Variants in TRAPPC9 observed in about 807,000 individuals in gnomAD.
TRAPPC9 encodes the protein IKK2 binding protein.
A neutral mutation model predicts 124.0 loss-of-function variants in TRAPPC9; 83 were observed. The observed-to-expected ratio is 0.67, with a 90% CI of 0.56 to 0.80. The LOEUF is 0.80. TRAPPC9 is among the 30% of genes least tolerant of loss of function. The probability of loss-of-function intolerance (pLI) is 0.00; values close to 1 mark genes in which losing one functional copy is unlikely to be tolerated. For missense variants in TRAPPC9, 1,302 were observed against 1,508.3 expected, an observed-to-expected ratio of 0.86 and a Z score of 2.27; for synonymous variants, 638 against 617.5, an observed-to-expected ratio of 1.03 and a Z score of -0.49.
At chr8:140,450,216 C>T (rs2071406964) in intron 2 of TRAPPC9, among the ~76,000 whole-genome samples, 1 of 152,084 alleles carries the variant, frequency 6.6e-6, no homozygotes, top group South Asian at 2.1e-4. Flanking sequence ...CAAAACTTAG[C>T]CAGGCATGGT....
chr8:139,983,764 C>T (rs1426363726), intron 19 of TRAPPC9, among the ~76,000 whole-genome samples: 6 of 152,108 alleles, frequency 3.9e-5, no homozygotes, highest in East Asian at 1.9e-4. Context: ...ATTTTGCCCC[C>T]GCCCCGGCCT....
At chr8:140,423,663 T>TATATACAC (rs55792609) in intron 5 of TRAPPC9, among the ~76,000 whole-genome samples, 11,104 of 144,812 alleles carry the variant, frequency 0.077, 1,139 homozygotes, top group African/African-American at 0.26. Flanking sequence ...CATACACACA[T>TATATACAC]ATATACACAT....
rs1206874752 is a variant in TRAPPC9, at chr8:140,045,642, A to AC, written c.2557-21564_2557-21563insG. Among the ~76,000 whole-genome samples the AC allele has an allele frequency of 3.5e-4, 49 of 138,908 alleles. 1 individual carries two copies. In the East Asian group the frequency reaches 7.7e-3, roughly 22 times the overall value. The allele number at this position is 138,908 out of a possible 152,430, so 91.1% of individuals were successfully genotyped here. The stretch of plus-strand genomic sequence containing the variant: ...ACTCCATCTCGGCAGAAAAAAAAAA[A>AC]AAAAAAAAAAAAAAAAACCAAGTCA... On this transcript the variant is annotated intron_variant, in intron 17 of 22. Coordinates refer to ENST00000438773, the MANE Select transcript of TRAPPC9 (RefSeq NM_001160372.4).
In TRAPPC9 at chr8:140,252,752, T is replaced by C; in HGVS notation, c.2431+25A>G. 1 of 1,612,154 alleles carries C rather than the reference T, an allele frequency of 6.2e-7. No individual in the cohort carries two copies. Among genetic ancestry groups the C allele is most frequent in the Middle Eastern group, 1.6e-4 (1 of 6,062 alleles). Reference sequence around the variant, plus strand: ...CACAGTATCTAGGACCCTGACGTGCTAATTAAAATTAGGAAAGCGCTTACC... The same window carrying C: ...CACAGTATCTAGGACCCTGACGTGCCAATTAAAATTAGGAAAGCGCTTACC... On this transcript the variant is annotated intron_variant, in intron 16 of 22. Transcript: ENST00000438773. The surrounding 1 kb of genome is among the most constrained non-coding windows in gnomAD (Gnocchi z 4.2).
chr8:139,757,490 A>T (rs1448217560), intron 21 of TRAPPC9, among the ~76,000 whole-genome samples: 2 of 150,548 alleles, frequency 1.3e-5, no homozygotes, highest in South Asian at 2.1e-4. Context: ...GGGTTTGGGG[A>T]TGAGGACAGC....
chr8:139,827,172 G>C (rs1365327412), intron 21 of TRAPPC9, among the ~76,000 whole-genome samples: 3 of 152,208 alleles, frequency 2.0e-5, no homozygotes, highest in African/African-American at 7.2e-5. Context: ...GCTAGAGCCC[G>C]GGAAGCGCCT....
In TRAPPC9 at chr8:140,319,341, A is replaced by G. The variant is rs146564278; in HGVS notation, c.1496-7967T>C. ...CGGGCACCCGCCACCAGGCCTGGCT[A>G]ATTTTTTTTGTATTTTTAGTAGAGA... On this transcript the variant is annotated intron_variant, in intron 9 of 22. Transcript: ENST00000438773. 7.5e-3 allele frequency among the ~76,000 whole-genome samples: 1,136 copies of G among 151,264 alleles called. 60 individuals carry two copies. The East Asian group carries it at 0.14, about 19-fold the overall frequency.
At chr8:140,167,139 A>G (rs1168798192) in intron 17 of TRAPPC9, among the ~76,000 whole-genome samples, 1 of 111,516 alleles carries the variant, frequency 9.0e-6, no homozygotes, top group Non-Finnish European at 1.9e-5. Context: ...GACAGTTCAT[A>G]GCTTTCAAAA....
At chr8:139,855,540 C>T (rs558594021) in intron 21 of TRAPPC9, among the ~76,000 whole-genome samples, 50 of 152,342 alleles carry the variant, frequency 3.3e-4, no homozygotes, top group African/African-American at 1.1e-3. Context: ...GCTTACACGA[C>T]GCGTCATCTC....
At chr8:140,020,935 C>T (rs1376432189) in intron 18 of TRAPPC9, among the ~76,000 whole-genome samples, 3 of 152,190 alleles carry the variant, frequency 2.0e-5, no homozygotes, top group Admixed American at 2.0e-4. Context: ...TTAAGATACC[C>T]AAACCAACTA....
intron 17 of TRAPPC9, among the ~76,000 whole-genome samples, chr8:140,068,478 G>C (rs2129750615): frequency 6.6e-6 from 1 of 152,208 alleles, no homozygotes; most frequent in African/African-American, 2.4e-5. Context: ...ACATTTGGAG[G>C]GGACCTTCAC....
intron 17 of TRAPPC9, among the ~76,000 whole-genome samples, chr8:140,076,386 T>TACAACTCGTGCATCCTTGCTTC (rs1843511225): frequency 1.3e-5 from 2 of 152,208 alleles, no homozygotes; most frequent in Non-Finnish European, 2.9e-5. Context: ...ATCCTTGCTT[T>TACAACTCGTGCATCCTTGCTTC]ACAACTCGTG....
chr8:139,736,519 A>C (rs183357306), intron 21 of TRAPPC9, among the ~76,000 whole-genome samples: 1 of 152,312 alleles, frequency 6.6e-6, no homozygotes, highest in East Asian at 1.9e-4. Context: ...CTTCCCCATG[A>C]CACAGAGGAA....
intron 21 of TRAPPC9, among the ~76,000 whole-genome samples, chr8:139,751,619 G>A (rs1763455491): frequency 6.6e-6 from 1 of 152,062 alleles, no homozygotes; most frequent in South Asian, 2.1e-4. Context: ...CCCAACCCTA[G>A]AACAAAGACC....
intron 21 of TRAPPC9, among the ~76,000 whole-genome samples, chr8:139,857,378 A>G (rs900704776): frequency 2.0e-5 from 3 of 152,214 alleles, no homozygotes; most frequent in Non-Finnish European, 4.4e-5. Flanking sequence ...GCTCGCTGAC[A>G]ATCTGAGTGC....
chr8:140,352,376 T>C (rs959241260), intron 9 of TRAPPC9, among the ~76,000 whole-genome samples: 2 of 152,214 alleles, frequency 1.3e-5, no homozygotes, highest in African/African-American at 4.8e-5. Flanking sequence ...TAGCGACAGT[T>C]GTTTCGGAAG....
intron 17 of TRAPPC9, among the ~76,000 whole-genome samples, chr8:140,090,716 A>G (rs1298885108): frequency 1.3e-5 from 2 of 152,254 alleles, no homozygotes; most frequent in African/African-American, 4.8e-5. Flanking sequence ...ACATGAGCCC[A>G]TCCCAGGATA....
At chr8:140,429,812 T>C (rs185037908) in intron 4 of TRAPPC9, among the ~76,000 whole-genome samples, 2 of 140,586 alleles carry the variant, frequency 1.4e-5, no homozygotes, top group African/African-American at 2.7e-5. Context: ...CTCAAAAAAA[T>C]AAAAATAAAT....
chr8:139,949,850 T>C, intron 19 of TRAPPC9, among the ~76,000 whole-genome samples: 1 of 152,144 alleles, frequency 6.6e-6, no homozygotes, highest in Non-Finnish European at 1.5e-5. Context: ...ACTCTGTGAG[T>C]ATCCTCAATA....
Sources: allele counts gnomAD v4.1 joint callset (sites outside exome capture counted in the v4.1 genomes callset), GRCh38; gene constraint gnomAD v4.1.1; non-coding constraint Gnocchi (gnomAD v3.1); transcripts MANE v1.5; gene names NCBI Gene and HGNC (gene_info 2026-07-23, HGNC 2026-07-21).